GLRA3: variants seen among roughly 807,000 people sequenced by gnomAD.
The protein encoded by GLRA3 is glycine receptor alpha 3.
In GLRA3, 44 loss-of-function variants were observed where a neutral mutation model predicts 60.4. The ratio of observed to expected loss-of-function variants is 0.73; its 90% CI spans 0.57 to 0.94. The LOEUF is 0.94. GLRA3 is among the 40% of genes least tolerant of loss of function. The pLI is 0.00. For synonymous variants in GLRA3, 223 were observed against 192.9 expected (o/e 1.16, Z -1.29); for missense variants, 508 against 564.6 (o/e 0.90, Z 1.02).
chr4:174,828,661 G>T, intron 1 of GLRA3, 80 bp downstream of exon 1: 2 of 833,404 alleles, frequency 2.4e-6, no homozygotes, highest in East Asian at 2.4e-5. Context: ...CAAATTTCCC[G>T]GTCTCATCAA....
chr4:174,699,348 T>A (rs1012110435), intron 5 of GLRA3, among the ~76,000 whole-genome samples: 4 of 152,154 alleles, frequency 2.6e-5, no homozygotes, highest in Admixed American at 2.6e-4. Flanking sequence ...CAGAAAATAA[T>A]ACTGCCAGAC....
intron 4 of GLRA3, among the ~76,000 whole-genome samples, chr4:174,720,765 T>C (rs1209973111): frequency 6.6e-6 from 1 of 152,180 alleles, no homozygotes; most frequent in Non-Finnish European, 1.5e-5. Context: ...GGTAGAGAGT[T>C]AAATGTACAT....
chr4:174,653,230 T>G (rs1335310907), intron 9 of GLRA3, among the ~76,000 whole-genome samples: 1 of 152,000 alleles, frequency 6.6e-6, no homozygotes, highest in Non-Finnish European at 1.5e-5. Context: ...CTTATTTTGT[T>G]GGGAAAAATC....
At chr4:174,807,823 A>T (rs1740108337) in intron 1 of GLRA3, among the ~76,000 whole-genome samples, 1 of 152,152 alleles carries the variant, frequency 6.6e-6, no homozygotes, top group South Asian at 2.1e-4. Context: ...GTAACTAAGC[A>T]GCCATAATAC....
At chr4:174,782,689 G>T (rs1738934315) in intron 2 of GLRA3, among the ~76,000 whole-genome samples, 1 of 152,144 alleles carries the variant, frequency 6.6e-6, no homozygotes. Context: ...CAAAAAGAGA[G>T]CCAAATCATG....
chr4:174,662,203 T>C (rs1733473980), intron 7 of GLRA3, among the ~76,000 whole-genome samples: 1 of 151,964 alleles, frequency 6.6e-6, no homozygotes, highest in African/African-American at 2.4e-5. Flanking sequence ...TTCATTTTGT[T>C]TCATACTTTA....
At chr4:174,700,522 TTAAG>T (rs1469459992) in intron 5 of GLRA3, among the ~76,000 whole-genome samples, 1 of 152,150 alleles carries the variant, frequency 6.6e-6, no homozygotes, top group Non-Finnish European at 1.5e-5. Flanking sequence ...ACGAAGACCT[TTAAG>T]TAGTCGCTGA....
chr4:174,709,727 G>C (rs1021427329), intron 5 of GLRA3, among the ~76,000 whole-genome samples: 1 of 151,980 alleles, frequency 6.6e-6, no homozygotes, highest in African/African-American at 2.4e-5. Flanking sequence ...AATTTGATAA[G>C]GGAAACATCC....
intron 1 of GLRA3, among the ~76,000 whole-genome samples, chr4:174,821,428 C>T (rs566460542): frequency 6.6e-6 from 1 of 152,030 alleles, no homozygotes; most frequent in Admixed American, 6.5e-5. Context: ...TTATATGACC[C>T]TAGTCAAAGT....
intron 2 of GLRA3, among the ~76,000 whole-genome samples, chr4:174,769,347 A>AT (rs1738291043): frequency 6.6e-6 from 1 of 152,044 alleles, no homozygotes; most frequent in Non-Finnish European, 1.5e-5. Context: ...TTACATTAAT[A>AT]TGACAAGGTA....
intron 5 of GLRA3, among the ~76,000 whole-genome samples, chr4:174,688,468 T>C (rs181323962): frequency 8.0e-5 from 12 of 150,694 alleles, no homozygotes; most frequent in Admixed American, 5.3e-4. Flanking sequence ...AGACTTATTC[T>C]GTTTTAGTCA....
intron 3 of GLRA3, among the ~76,000 whole-genome samples, chr4:174,766,124 T>A (rs1288252063): frequency 3.9e-5 from 6 of 152,090 alleles, no homozygotes; most frequent in Non-Finnish European, 7.4e-5. Context: ...AACATAATTC[T>A]CTAATATTGG....
At chr4:174,778,429 C>A (rs988386109) in intron 2 of GLRA3, among the ~76,000 whole-genome samples, 1 of 151,698 alleles carries the variant, frequency 6.6e-6, no homozygotes, top group African/African-American at 2.4e-5. Context: ...CTAACCAGAT[C>A]TGATGTGAGG....
At chr4:174,682,246 A>G (rs1012314528) in intron 6 of GLRA3, among the ~76,000 whole-genome samples, 1 of 152,314 alleles carries the variant, frequency 6.6e-6, no homozygotes, top group Middle Eastern at 3.4e-3. Context: ...GCAACTGAAC[A>G]GAATTTGCCG....
chr4:174,687,508 G>T (rs571127536), intron 5 of GLRA3, among the ~76,000 whole-genome samples: 37 of 152,222 alleles, frequency 2.4e-4, no homozygotes, highest in Admixed American at 7.2e-4. Context: ...GAAAAAAATG[G>T]GTGGAAACTG....
At chr4:174,674,725 C>T (rs1009337230) in intron 7 of GLRA3, among the ~76,000 whole-genome samples, 3 of 152,090 alleles carry the variant, frequency 2.0e-5, no homozygotes, top group Non-Finnish European at 4.4e-5. Flanking sequence ...ACTTTGTTTT[C>T]CTACTTCCTA....
At chr4:174,669,858 G>A (rs1733836890) in intron 7 of GLRA3, among the ~76,000 whole-genome samples, 1 of 152,168 alleles carries the variant, frequency 6.6e-6, no homozygotes, top group Non-Finnish European at 1.5e-5. Flanking sequence ...TTACAGGTGT[G>A]AGCCACTCAC....
chr4:174,726,247 T>C (rs947199508), intron 4 of GLRA3, among the ~76,000 whole-genome samples: 9 of 152,226 alleles, frequency 5.9e-5, no homozygotes, highest in African/African-American at 2.2e-4. Flanking sequence ...TATGTGGTCT[T>C]CCTGGCTCTG....
intron 9 of GLRA3, among the ~76,000 whole-genome samples, chr4:174,645,452 G>C (rs1579379998): frequency 6.6e-6 from 1 of 151,088 alleles, no homozygotes; most frequent in African/African-American, 2.4e-5. Context: ...AATGATGTTG[G>C]TTCTGTGAAA....
Sources: gnomAD v4.1 joint callset for allele counts (sites outside exome capture counted in the v4.1 genomes callset) on GRCh38, gnomAD v4.1.1 for gene constraint, MANE v1.5 for transcripts, NCBI Gene and HGNC (gene_info 2026-07-23, HGNC 2026-07-21) for gene names.